Variants in SCEL observed in about 807,000 individuals in gnomAD.
SCEL encodes the protein sciellin.
In SCEL, 113 loss-of-function variants were observed where a neutral mutation model predicts 117.6. That is an observed-to-expected ratio of 0.96 (90% confidence interval 0.83 to 1.12). The LOEUF is 1.12. Among genes scored for constraint, SCEL ranks in the 50% most tolerant of loss-of-function variants. The pLI, the probability that SCEL is intolerant of heterozygous loss-of-function variation, is 0.00. For missense variants in SCEL, 785 were observed against 810.8 expected, an observed-to-expected ratio of 0.97 and a Z score of 0.39; for synonymous variants, 270 against 256.2, an observed-to-expected ratio of 1.05 and a Z score of -0.51.
chr13:77,558,156 C>T lies in SCEL; in HGVS notation c.161+1443C>T, dbSNP rs148190146. 1.7e-3 allele frequency among the ~76,000 whole-genome samples: 252 copies of T among 152,236 alleles called. 1 individual carries two copies. Among genetic ancestry groups the T allele is most frequent in the African/African-American group, 5.6e-3 (232 of 41,544 alleles). The stretch of plus-strand genomic sequence containing the variant: ...TGCCAATATTTACACAGACGAGTGA[C>T]GATAGAATGTATAAGACAAATCACA... On this transcript the variant is annotated intron_variant, in intron 3 of 32. Transcript: ENST00000349847.
intron 1 of SCEL, among the ~76,000 whole-genome samples, chr13:77,537,198 C>T (rs1399024845): frequency 1.3e-5 from 2 of 152,156 alleles, no homozygotes; most frequent in Admixed American, 6.5e-5. Context: ...ATGTTAGCGT[C>T]GTATAAATCT....
chr13:77,551,099 G>C (rs1388634847), intron 1 of SCEL, among the ~76,000 whole-genome samples: 1 of 152,182 alleles, frequency 6.6e-6, no homozygotes, highest in African/African-American at 2.4e-5. Flanking sequence ...GCTGAGGAGG[G>C]CGTGGCTTGG....
chr13:77,631,645 A>AT (rs2090026594), intron 28 of SCEL, among the ~76,000 whole-genome samples: 1 of 152,174 alleles, frequency 6.6e-6, no homozygotes, highest in Non-Finnish European at 1.5e-5. Context: ...ATAATGGTTT[A>AT]TTTTTTAAAA....
At chr13:77,618,144 C>T (rs2089198945) in intron 27 of SCEL, 84 bp downstream of exon 27, 1 of 976,988 alleles carries the variant, frequency 1.0e-6, no homozygotes, top group Non-Finnish European at 1.7e-6. Flanking sequence ...CTGCCTCCCT[C>T]CCTTCCTCCC....
At chr13:77,641,599 G>T (rs1268388155) in intron 31 of SCEL, among the ~76,000 whole-genome samples, 1 of 152,082 alleles carries the variant, frequency 6.6e-6, no homozygotes, top group Non-Finnish European at 1.5e-5. Context: ...ACCAGCCCCA[G>T]TTAAATCATG....
chr13:77,568,231 T>A (rs2085393196), intron 6 of SCEL, 64 bp from the exon 7 acceptor site: 1 of 1,032,136 alleles, frequency 9.7e-7, no homozygotes, highest in Admixed American at 1.9e-5. Flanking sequence ...TCAGGAATAA[T>A]TCCAAATAGA....
At chr13:77,593,454 T>C in intron 11 of SCEL, 60 bp from the exon 12 acceptor site, 2 of 1,269,972 alleles carry the variant, frequency 1.6e-6, no homozygotes, top group South Asian at 1.2e-5. Context: ...TGAGAAATTT[T>C]AGCTCCTTCA....
chr13:77,545,765 T>A (rs2154394474), intron 1 of SCEL, among the ~76,000 whole-genome samples: 1 of 152,262 alleles, frequency 6.6e-6, no homozygotes, highest in East Asian at 1.9e-4. Flanking sequence ...CTGGAAGAGG[T>A]TGTGTGAAAG....
intron 1 of SCEL, among the ~76,000 whole-genome samples, chr13:77,552,902 G>T (rs1247755557): frequency 6.6e-6 from 1 of 152,120 alleles, no homozygotes; most frequent in African/African-American, 2.4e-5. Flanking sequence ...GTAAGGAAGG[G>T]ATCCAGTTTC....
intron 9 of SCEL, among the ~76,000 whole-genome samples, chr13:77,580,534 C>G (rs899026061): frequency 3.3e-4 from 50 of 152,118 alleles, no homozygotes; most frequent in Non-Finnish European, 2.2e-4. Context: ...TTTTTGTATT[C>G]TGTTTTTGGT....
chr13:77,633,742 T>C (rs1387526197), intron 28 of SCEL, among the ~76,000 whole-genome samples: 2 of 152,322 alleles, frequency 1.3e-5, no homozygotes, highest in South Asian at 2.1e-4. Flanking sequence ...TTTATAAAAA[T>C]ACCCCACATC....
chr13:77,586,832 A>T (rs1171287121), intron 9 of SCEL, among the ~76,000 whole-genome samples: 1 of 152,118 alleles, frequency 6.6e-6, no homozygotes, highest in Non-Finnish European at 1.5e-5. Context: ...CTGCATCATC[A>T]TGAGATATTT....
chr13:77,632,066 C>A (rs2090048098), intron 28 of SCEL, among the ~76,000 whole-genome samples: 1 of 152,326 alleles, frequency 6.6e-6, no homozygotes, highest in Admixed American at 6.5e-5. Context: ...ATGAGGATTC[C>A]AGTTCTGTGG....
chr13:77,560,404 T>G (rs1453793599), intron 4 of SCEL, among the ~76,000 whole-genome samples: 2 of 152,086 alleles, frequency 1.3e-5, no homozygotes, highest in African/African-American at 2.4e-5. Flanking sequence ...TCCATTGTAC[T>G]CCAGCCTGGG....
chr13:77,618,749 T>C, intron 27 of SCEL, among the ~76,000 whole-genome samples: 1 of 151,868 alleles, frequency 6.6e-6, no homozygotes, highest in East Asian at 1.9e-4. Flanking sequence ...AAGACATGAA[T>C]ACAATTAAAT....
intron 9 of SCEL, among the ~76,000 whole-genome samples, chr13:77,573,483 A>G (rs1042453767): frequency 1.3e-5 from 2 of 152,198 alleles, no homozygotes; most frequent in African/African-American, 4.8e-5. Context: ...TCTACTGTGC[A>G]GACTTCTAAT....
At position 77,543,703 on chromosome 13, in the gene SCEL, T is replaced by C. The variant is rs555347931; in HGVS notation, c.-20+7879T>C. 1.3e-4 allele frequency among the ~76,000 whole-genome samples: 20 copies of C among 152,342 alleles called. No homozygotes were observed. In the South Asian group the frequency reaches 4.1e-3, roughly 32 times the overall value. On this transcript the variant is annotated intron_variant, in intron 1 of 32. Transcript: ENST00000349847. The stretch of plus-strand genomic sequence containing the variant: ...AGGGGAAACACTTGGTATTTGGTTT[T>C]CTGTTTCTGCATTAATTCGCTTAGG...
At chr13:77,606,241 G>A (rs900675666) in intron 19 of SCEL, among the ~76,000 whole-genome samples, 1 of 152,154 alleles carries the variant, frequency 6.6e-6, no homozygotes, top group Non-Finnish European at 1.5e-5. Flanking sequence ...GTTTTCATGA[G>A]CATATGTGTA....
At chr13:77,599,811 G>GTCTCCTCCAGAA in intron 15 of SCEL, 63 bp downstream of exon 15, 1 of 1,162,950 alleles carries the variant, frequency 8.6e-7, no homozygotes, top group Non-Finnish European at 1.3e-6. Flanking sequence ...TTTTCTGGAG[G>GTCTCCTCCAGAA]AGACCTCCTG....
Sources: gnomAD v4.1 joint callset for allele counts (sites outside exome capture counted in the v4.1 genomes callset) on GRCh38, gnomAD v4.1.1 for gene constraint, MANE v1.5 for transcripts, NCBI Gene and HGNC (gene_info 2026-07-23, HGNC 2026-07-21) for gene names.